The following BCO2 variants were observed in gnomAD, a reference collection of about 807,000 sequenced individuals.
BCO2 encodes beta-carotene oxygenase 2.
Under a neutral mutation model 65.8 loss-of-function variants are expected in BCO2, and 56 were observed. The ratio of observed to expected loss-of-function variants is 0.85; its 90% confidence interval spans 0.69 to 1.06. The LOEUF (loss-of-function observed/expected upper bound fraction) is 1.06, where lower values mean the gene tolerates loss of function less well. BCO2 is among the 50% of genes least tolerant of loss of function. The pLI, the probability that BCO2 is intolerant of heterozygous loss-of-function variation, is 0.00. For synonymous variants in BCO2, 233 were observed against 242.3 expected, an observed-to-expected ratio of 0.96 and a Z score of 0.36; for missense variants, 675 against 698.5, an observed-to-expected ratio of 0.97 and a Z score of 0.38.
intron 2 of BCO2, among the ~76,000 whole-genome samples, chr11:112,186,121 C>T (rs1442266451): frequency 6.6e-6 from 1 of 152,122 alleles, no homozygotes; most frequent in African/African-American, 2.4e-5. Flanking sequence ...AGAAGGAGGG[C>T]AAAGGGGAGG....
At position 112,179,450 on chromosome 11, in the gene BCO2, T is replaced by C; in HGVS notation, c.261T>C (p.Ile87=). ...GGCTCAATGGCTCTCTACTTCGAATTGGACCTGGGAAATTCGAGTTTGGGA... is the reference window on the plus strand; with the variant it reads ...GGCTCAATGGCTCTCTACTTCGAATCGGACCTGGGAAATTCGAGTTTGGGA... The part of the protein sequence containing the change: ...PKWLNGSLLR[I]GPGKFEFGKD... Residue 87 remains isoleucine (I), a synonymous_variant, in exon 2 of 12, where the codon ATT becomes ATC. Coordinates refer to ENST00000357685, the MANE Select transcript of BCO2 (RefSeq NM_031938.7). The C allele has an allele frequency of 6.2e-7, 1 of 1,614,168 alleles. No individual in the cohort carries two copies. Among genetic ancestry groups the C allele is most frequent in the East Asian group, 2.2e-5 (1 of 44,878 alleles).
At position 112,199,711 on chromosome 11, in the gene BCO2, A is replaced by G; in HGVS notation, c.749A>G (p.Lys250Arg). 4 of 1,613,628 alleles carry G rather than the reference A, an allele frequency of 2.5e-6. No homozygotes were observed. The highest frequency in any genetic ancestry group is 3.4e-6 in the Non-Finnish European group (4 of 1,179,594). ...TTTCATTTTTCAGGTTTCTCCTATA[A>G]GGTTATTCGGGTTCCTCCAGAGAAG... Reference protein sequence around the residue: ...NSFGPYGFSYKVIRVPPEKVD... With the variant: ...NSFGPYGFSYRVIRVPPEKVD... The change falls in exon 6 of 12, where the codon AAG becomes AGG. Residue 250 changes from lysine (K) to arginine (R), a missense_variant. Physicochemically the swap from Lys to Arg is conservative, Grantham distance 26. Coordinates refer to ENST00000357685, the MANE Select transcript of BCO2 (RefSeq NM_031938.7).
At chr11:112,202,407 C>T (rs1302146782) in intron 8 of BCO2, among the ~76,000 whole-genome samples, 5 of 152,022 alleles carry the variant, frequency 3.3e-5, no homozygotes, top group Non-Finnish European at 7.4e-5. Flanking sequence ...CTCAGCCTCC[C>T]GGGTAGCTGG....
At chr11:112,181,143 GT>G in intron 2 of BCO2, 1 of 1,322,944 alleles carries the variant, frequency 7.6e-7, no homozygotes, top group East Asian at 2.3e-5. Context: ...AAGGACAAAG[GT>G]GTCTGGGGAA....
chr11:112,187,090 T>G (rs565067973), intron 2 of BCO2, among the ~76,000 whole-genome samples: 2 of 152,166 alleles, frequency 1.3e-5, no homozygotes, highest in African/African-American at 2.4e-5. Context: ...CTCTGAAACT[T>G]TACTCTGCTC....
At chr11:112,178,621 CTTA>C (rs926080657) in intron 1 of BCO2, among the ~76,000 whole-genome samples, 1 of 152,150 alleles carries the variant, frequency 6.6e-6, no homozygotes, top group Admixed American at 6.6e-5. Context: ...GTTTCAGTTC[CTTA>C]TTATACAACT....
intron 8 of BCO2, among the ~76,000 whole-genome samples, chr11:112,205,189 C>T (rs1867836829): frequency 6.6e-6 from 1 of 152,128 alleles, no homozygotes; most frequent in South Asian, 2.1e-4. Context: ...CCGTGTTGTT[C>T]AAGGGTCATC....
chr11:112,213,323 A>G (rs1279983911), intron 8 of BCO2, among the ~76,000 whole-genome samples: 1 of 151,350 alleles, frequency 6.6e-6, no homozygotes, highest in Non-Finnish European at 1.5e-5. Context: ...TTGTATTTTT[A>G]GTAAAGACAG....
intron 2 of BCO2, among the ~76,000 whole-genome samples, chr11:112,180,314 T>A (rs1866999768): frequency 6.6e-6 from 1 of 152,212 alleles, no homozygotes; most frequent in Non-Finnish European, 1.5e-5. Flanking sequence ...ATGTGGAATA[T>A]ATGGATATGG....
At chr11:112,194,579 T>C (rs1867505913) in intron 4 of BCO2, 74 bp from the exon 5 acceptor site, 1 of 875,976 alleles carries the variant, frequency 1.1e-6, no homozygotes, top group Non-Finnish European at 1.8e-6. Context: ...TTAAAAACAT[T>C]AGATATTTCT....
At chr11:112,200,066 T>C (rs1867687943) in intron 6 of BCO2, among the ~76,000 whole-genome samples, 1 of 152,142 alleles carries the variant, frequency 6.6e-6, no homozygotes, top group African/African-American at 2.4e-5. Context: ...ACTAAAAAAT[T>C]AATTGATATA....
chr11:112,205,023 T>C (rs1867833168), intron 8 of BCO2, among the ~76,000 whole-genome samples: 1 of 152,232 alleles, frequency 6.6e-6, no homozygotes, highest in Non-Finnish European at 1.5e-5. Context: ...TAATACAGTA[T>C]ATAATACATA....
chr11:112,196,806 C>T (rs1867587658), intron 5 of BCO2, among the ~76,000 whole-genome samples: 1 of 148,312 alleles, frequency 6.7e-6, no homozygotes, highest in Non-Finnish European at 1.5e-5. Flanking sequence ...ACCACCACCT[C>T]CTCCTTTCCT....
intron 2 of BCO2, among the ~76,000 whole-genome samples, chr11:112,191,860 A>G (rs1867400386): frequency 6.6e-6 from 1 of 152,174 alleles, no homozygotes; most frequent in South Asian, 2.1e-4. Context: ...GGCATCTCAA[A>G]TCATTGGGTT....
chr11:112,201,144 CT>C lies in BCO2; in HGVS notation c.1026+380del, dbSNP rs1048562506. ...TAGTTGATTCTCTGGCTTCTTTTTC[CT>C]TTTTTTTTGAGATTTTTTTTTTAGA... is the stretch of plus-strand genomic sequence containing the variant. On this transcript the variant is annotated intron_variant, in intron 7 of 11. Coordinates refer to ENST00000357685, the MANE Select transcript of BCO2 (RefSeq NM_031938.7). Among the ~76,000 whole-genome samples the C allele has an allele frequency of 6.2e-5, 9 of 144,394 alleles. No individual in the cohort carries two copies. In the South Asian group the frequency reaches 6.7e-4, roughly 11 times the overall value. 94.7% of individuals were successfully genotyped at this position (144,394 alleles called of 152,430 possible).
At chr11:112,189,063 G>A (rs984512411) in intron 2 of BCO2, among the ~76,000 whole-genome samples, 1 of 152,106 alleles carries the variant, frequency 6.6e-6, no homozygotes, top group Non-Finnish European at 1.5e-5. Context: ...AACATACAAA[G>A]TATGAAATGA....
intron 2 of BCO2, among the ~76,000 whole-genome samples, chr11:112,188,605 C>T (rs1435496825): frequency 1.3e-5 from 2 of 152,164 alleles, no homozygotes; most frequent in Non-Finnish European, 2.9e-5. Context: ...TACTATATGT[C>T]TTCTGACCCT....
At position 112,194,751 on chromosome 11, in the gene BCO2, A is replaced by G. The variant is rs149790013; in HGVS notation, c.732A>G (p.Pro244=). The change falls in exon 5 of 12, where the codon CCA becomes CCG. Residue 244 remains proline, a synonymous_variant. Transcript: ENST00000357685. ...ACAATATGGGGAACTCCTTTGGGCC[A>G]TATGGTAAAGTTGCAATAAAGGTCT... is the stretch of plus-strand genomic sequence containing the variant. ...TAYNMGNSFG[P]YGFSYKVIRV... 4 of 1,587,794 alleles carry G rather than the reference A, an allele frequency of 2.5e-6. No homozygotes were observed. Among genetic ancestry groups the G allele is most frequent in the Admixed American group, 1.7e-5 (1 of 58,384 alleles).
Position 112,193,556 on chromosome 11 carries a change from C to T in BCO2, c.376C>T (p.Leu126=). ...CACAGTGACATACAGGAGCAAGTTT[C>T]TACAGAGTGATACATATAAGGCCAA... ...KGTVTYRSKF[L]QSDTYKANSA... The change falls in exon 3 of 12, where the codon CTA becomes TTA. Residue 126 remains leucine (L), a synonymous_variant. Transcript: ENST00000357685. The T allele has an allele frequency of 6.2e-7, 1 of 1,614,154 alleles. No individual in the cohort carries two copies.
Sources: gnomAD v4.1 joint callset for allele counts (sites outside exome capture counted in the v4.1 genomes callset) on GRCh38, gnomAD v4.1.1 for gene constraint, MANE v1.5 for transcripts, NCBI Gene and HGNC (gene_info 2026-07-23, HGNC 2026-07-21) for gene names.